The following FAM186A variants were observed in gnomAD, a reference collection of about 807,000 sequenced individuals.
FAM186A encodes the protein protein FAM186A.
Under a neutral mutation model 216.8 loss-of-function variants are expected in FAM186A, and 163 were observed. That is an observed-to-expected ratio of 0.75 (90% CI 0.66 to 0.86). The LOEUF (loss-of-function observed/expected upper bound fraction) is 0.86, where lower values mean the gene tolerates loss of function less well. Ranked by LOEUF, FAM186A falls within the 40% of genes least tolerant of loss-of-function variation. FAM186A has a pLI of 0.00. For missense variants in FAM186A, 2,184 were observed against 2,746.2 expected (o/e 0.80, Z 4.58); for synonymous variants, 805 against 1,025.3 (o/e 0.79, Z 4.10).
chr12:50,356,111 G>C lies in FAM186A; in HGVS notation c.721C>G (p.Leu241Val). The part of the protein sequence containing the change: ...NTKVSEIQGM[L>V]QELIGTTMFS... ...ATTGTGGTGCCTATGAGTTCCTGTA[G>C]CATACCTTGGATTTCTGAAACCTTT... is the stretch of plus-strand genomic sequence containing the variant. Residue 241 changes from leucine (L) to valine (V), a missense_variant, in exon 4 of 8, where the codon CTA becomes GTA. By Grantham distance (32) the Leu-to-Val change is conservative (BLOSUM62 1). Around this residue, in one of 7 missense-constraint regions of FAM186A, gnomAD observed 1,132 missense variants for 1,263.4 expected, o/e 0.90. Transcript: ENST00000327337. The C allele has an allele frequency of 6.4e-7, 1 of 1,551,598 alleles. No individual in the cohort carries two copies. The highest frequency in any genetic ancestry group is 2.0e-5 in the Admixed American group (1 of 50,992).
chr12:50,332,957 G>A (rs1377395854), intron 5 of FAM186A, among the ~76,000 whole-genome samples: 2 of 151,988 alleles, frequency 1.3e-5, no homozygotes, highest in African/African-American at 4.8e-5. Flanking sequence ...GAACCCAGGA[G>A]GCGGAGGTTG....
chr12:50,365,946 C>A, intron 1 of FAM186A: 1 of 763,958 alleles, frequency 1.3e-6, no homozygotes, highest in Admixed American at 1.7e-5. Flanking sequence ...CCATGTGGGC[C>A]CTCGCCCCAG....
intron 1 of FAM186A, among the ~76,000 whole-genome samples, chr12:50,383,947 A>G (rs1248483978): frequency 6.6e-6 from 1 of 151,990 alleles, no homozygotes; most frequent in Non-Finnish European, 1.5e-5. Context: ...GTGAGACCCT[A>G]TCTCTACTAA....
At chr12:50,371,409 G>A (rs1333896886) in intron 1 of FAM186A, among the ~76,000 whole-genome samples, 1 of 152,030 alleles carries the variant, frequency 6.6e-6, no homozygotes, top group Non-Finnish European at 1.5e-5. Context: ...GAGCCACCGT[G>A]CCCGGCCAAC....
intron 1 of FAM186A, among the ~76,000 whole-genome samples, chr12:50,382,074 T>A (rs1943258062): frequency 1.3e-5 from 2 of 151,954 alleles, no homozygotes; most frequent in Non-Finnish European, 2.9e-5. Context: ...AAAAACCACT[T>A]TAGGATTTCT....
intron 1 of FAM186A, chr12:50,365,820 G>T: frequency 1.3e-6 from 1 of 759,160 alleles, no homozygotes; most frequent in South Asian, 1.4e-5. Flanking sequence ...TGAAGTTCAG[G>T]TTGTATGAGG....
chr12:50,383,629 C>G (rs1270394765), intron 1 of FAM186A, among the ~76,000 whole-genome samples: 1 of 151,878 alleles, frequency 6.6e-6, no homozygotes, highest in African/African-American at 2.4e-5. Context: ...CAAACAAACC[C>G]CACCTTTATC....
At chr12:50,385,945 G>C (rs1943299423) in intron 1 of FAM186A, among the ~76,000 whole-genome samples, 1 of 151,974 alleles carries the variant, frequency 6.6e-6, no homozygotes, top group African/African-American at 2.4e-5. Context: ...AGACAGTGTA[G>C]AACAGTGGTT....
At chr12:50,385,417 CAAA>C (rs1281395536) in intron 1 of FAM186A, among the ~76,000 whole-genome samples, 10 of 51,836 alleles carry the variant, frequency 1.9e-4, no homozygotes, top group African/African-American at 1.3e-4. Flanking sequence ...GACTCTGTCT[CAAA>C]AAAAAAAAAA....
At chr12:50,370,041 G>A (rs960633395) in intron 1 of FAM186A, among the ~76,000 whole-genome samples, 13 of 142,742 alleles carry the variant, frequency 9.1e-5, no homozygotes, top group Admixed American at 5.2e-4. Context: ...GGAGAATGGC[G>A]TGAACCCGGG....
chr12:50,361,016 ACAG>A, intron 2 of FAM186A, 90 bp from the exon 3 acceptor site: 1 of 943,984 alleles, frequency 1.1e-6, no homozygotes, highest in Non-Finnish European at 1.5e-6. Flanking sequence ...ACTACTCAAT[ACAG>A]TAATATTGGG....
intron 4 of FAM186A, among the ~76,000 whole-genome samples, chr12:50,341,985 C>T (rs377414978): frequency 8.5e-5 from 13 of 152,092 alleles, no homozygotes; most frequent in African/African-American, 2.7e-4. Flanking sequence ...GATAAACTTC[C>T]ACATTTTTTA....
chr12:50,355,802 A>G lies in FAM186A; in HGVS notation c.1030T>C (p.Leu344=), dbSNP rs768306956. ...KIVIEQLYAK[L]STSSTLKVLP... ...ACTTTCAAGGTTGATGATGTGGACA[A>G]TTTTGCATATAGTTGTTCTATAACA... Residue 344 remains leucine (L), a synonymous_variant, in exon 4 of 8, where the codon TTG becomes CTG. Transcript: ENST00000327337. 27 of 1,551,636 alleles carry G rather than the reference A, an allele frequency of 1.7e-5. No individual in the cohort carries two copies. The East Asian group carries it at 4.6e-4, about 27-fold the overall frequency.
chr12:50,346,262 A>AAAGAAAGAAAGAAAGAAAGAAAGAAAGT (rs1436973309), intron 4 of FAM186A, among the ~76,000 whole-genome samples: 67 of 150,880 alleles, frequency 4.4e-4, no homozygotes, highest in East Asian at 2.2e-3. Flanking sequence ...AGAAAGAAAG[A>AAAGAAAGAAAGAAAGAAAGAAAGAAAGT]AAGTCATACA....
At chr12:50,363,039 G>C (rs1943051294) in intron 2 of FAM186A, 106 bp downstream of exon 2, 9 of 964,732 alleles carry the variant, frequency 9.3e-6, no homozygotes, top group Non-Finnish European at 1.2e-5. Flanking sequence ...AACCTCCTTA[G>C]TCTTTTCTTC....
chr12:50,353,659 A>C lies in FAM186A; in HGVS notation c.3173T>G (p.Leu1058Arg), dbSNP rs1245739373. The change falls in exon 4 of 8, where the codon CTG becomes CGG. Residue 1058 changes from leucine (L) to arginine (R), a missense_variant. Transcript: ENST00000327337. ...ITPPPSLQYS[L>R]PGALPISGQP... ...GCCAGAAATAGGAAGAGCTCCAGGCAGGGAGTATTGTAGGGAGGGGGGAGG... is the reference window on the plus strand; with the variant it reads ...GCCAGAAATAGGAAGAGCTCCAGGCCGGGAGTATTGTAGGGAGGGGGGAGG... 4.5e-5 allele frequency: 69 copies of C among 1,537,598 alleles called. No individual in the cohort carries two copies. The highest frequency in any genetic ancestry group is 6.0e-5 in the Non-Finnish European group (68 of 1,141,574).
chr12:50,358,291 T>G (rs1315952265), intron 3 of FAM186A, among the ~76,000 whole-genome samples: 4 of 152,076 alleles, frequency 2.6e-5, no homozygotes, highest in Admixed American at 6.6e-5. Context: ...GATAAAGGAC[T>G]TATATCCAGC....
chr12:50,385,417 CAA>C (rs1281395536), intron 1 of FAM186A, among the ~76,000 whole-genome samples: 5 of 51,856 alleles, frequency 9.6e-5, no homozygotes, highest in Non-Finnish European at 8.3e-5. Context: ...GACTCTGTCT[CAA>C]AAAAAAAAAA....
At chr12:50,369,254 G>A (rs1315427420) in intron 1 of FAM186A, among the ~76,000 whole-genome samples, 2 of 152,006 alleles carry the variant, frequency 1.3e-5, no homozygotes, top group Non-Finnish European at 2.9e-5. Flanking sequence ...ACTCTGGGAG[G>A]CTGAGGCAGG....
Sources: allele counts gnomAD v4.1 joint callset (sites outside exome capture counted in the v4.1 genomes callset), GRCh38; gene constraint gnomAD v4.1.1; regional missense constraint gnomAD v4.1.1; transcripts MANE v1.5; gene names NCBI Gene and HGNC (gene_info 2026-07-23, HGNC 2026-07-21).